Variants in BRD3 observed in about 807,000 individuals in gnomAD.
The protein encoded by BRD3 is bromodomain containing 3.
A neutral mutation model predicts 66.8 loss-of-function variants in BRD3; 17 were observed. The ratio of observed to expected loss-of-function variants is 0.25; its 90% confidence interval spans 0.17 to 0.38. The LOEUF is 0.38. Ranked by LOEUF, BRD3 falls within the 10% of genes least tolerant of loss-of-function variation. The pLI is 1.00. For missense variants in BRD3, 713 were observed against 956.1 expected (o/e 0.75, Z 3.35); for synonymous variants, 421 against 393.2 (o/e 1.07, Z -0.84).
rs1830299830 is a variant in BRD3 at position 134,051,692 on chromosome 9, C to T, written c.369G>A (p.Val123=). The T allele has an allele frequency of 1.3e-6, 2 of 1,592,088 alleles. No homozygotes were observed. The highest frequency in any genetic ancestry group is 3.6e-5 in the Admixed American group (2 of 54,864). The change falls in exon 4 of 12, where the codon GTG becomes GTA. Residue 123 remains valine (V), a synonymous_variant. Coordinates refer to ENST00000303407, the MANE Select transcript of BRD3 (RefSeq NM_007371.4). ...YIYNKPTDDI[V]LMAQALEKIF... ...TTTTCTCTAAAGCTTGGGCCATTAG[C>T]ACTATGTCATCTGTGGGCTGAAGAC...
At chr9:134,048,524 G>T in intron 5 of BRD3, 70 bp from the exon 6 acceptor site, 1 of 1,583,850 alleles carries the variant, frequency 6.3e-7, no homozygotes, top group Non-Finnish European at 8.5e-7. Flanking sequence ...CTGCAGCCGC[G>T]TTTCTGGGGC....
At chr9:134,037,623 A>T (rs1253027901) in intron 9 of BRD3, among the ~76,000 whole-genome samples, 1 of 152,220 alleles carries the variant, frequency 6.6e-6, no homozygotes, top group African/African-American at 2.4e-5. Context: ...CGGTAATCTA[A>T]TCTTCTACCT....
chr9:134,066,647 C>T (rs1160425199), intron 1 of BRD3, among the ~76,000 whole-genome samples: 1 of 152,164 alleles, frequency 6.6e-6, no homozygotes, highest in Admixed American at 6.5e-5. Flanking sequence ...CTCTTTTCCT[C>T]TTCTGTTCCT....
intron 1 of BRD3, among the ~76,000 whole-genome samples, chr9:134,060,256 G>A (rs1830508965): frequency 1.3e-5 from 2 of 152,158 alleles, no homozygotes; most frequent in Admixed American, 6.5e-5. Context: ...AAAAGTCCTC[G>A]AACGCCAAGC....
At chr9:134,035,444 T>TC (rs1200381270) in intron 10 of BRD3, among the ~76,000 whole-genome samples, 8 of 152,110 alleles carry the variant, frequency 5.3e-5, no homozygotes, top group African/African-American at 1.9e-4. Context: ...GGGTCTGCCC[T>TC]CCCTCCTACT....
rs879136019 is a variant in BRD3, at chr9:134,045,539, C to T, written c.1087-118G>A. 6.9e-7 allele frequency: 1 copy of T among 1,448,308 alleles called. No individual in the cohort carries two copies. The highest frequency in any genetic ancestry group is 1.4e-5 in the African/African-American group (1 of 71,100). The allele number at this position is 1,448,308 out of a possible 1,614,324, so 89.7% of individuals were successfully genotyped here. A position where few individuals can be genotyped will look rare whatever the true frequency, so the allele number is the denominator to read the frequency against. ...GCCACTGCCAGCTCCAGGGCAGTGCCTACTGGCCTGGCCGGCAGGACACCC... is the reference window on the plus strand; with the variant it reads ...GCCACTGCCAGCTCCAGGGCAGTGCTTACTGGCCTGGCCGGCAGGACACCC... On this transcript the variant is annotated intron_variant, in intron 6 of 11. Transcript: ENST00000303407. This position sits in a 1 kb window ranked among gnomAD's most constrained non-coding sequence, Gnocchi z 4.8.
chr9:134,037,833 C>T (rs1333817414), intron 9 of BRD3, among the ~76,000 whole-genome samples: 1 of 151,966 alleles, frequency 6.6e-6, no homozygotes, highest in Non-Finnish European at 1.5e-5. Context: ...ATGAAAAAGA[C>T]ACATCACTAC....
rs1843498545 is a variant in BRD3, at chr9:134,030,680, A to C, written c.*2910T>G. On this transcript the variant is annotated 3_prime_UTR_variant, in exon 12 of 12. Transcript: ENST00000303407. ...GTATGTGGGTGTTACTCTTTCCCAA[A>C]AGACTGTCAGAGGCGTGAGTGCTGC... The C allele has an allele frequency of 4.3e-6, 1 of 230,282 alleles. No homozygotes were observed. 14.3% of individuals were successfully genotyped at this position (230,282 alleles called of 1,614,324 possible).
rs1220722945 is a variant in BRD3, at chr9:134,030,770, A to C, written c.*2820T>G. 1 of 232,230 alleles carries C rather than the reference A, an allele frequency of 4.3e-6. No homozygotes were observed. The highest frequency in any genetic ancestry group is 8.5e-6 in the Non-Finnish European group (1 of 117,454). 14.4% of individuals were successfully genotyped at this position (232,230 alleles called of 1,614,324 possible). On this transcript the variant is annotated 3_prime_UTR_variant, in exon 12 of 12. Transcript: ENST00000303407. ...TCTTACAGTTTGTAAGCAAGATGAC[A>C]CTGCCCAACACAAAGAGGGGTCTGG...
chr9:134,064,379 A>T (rs1374063341), intron 1 of BRD3, among the ~76,000 whole-genome samples: 7 of 132,172 alleles, frequency 5.3e-5, no homozygotes, highest in African/African-American at 2.0e-4. Context: ...AAATTAAAAA[A>T]AATTAAAAAA....
chr9:134,066,209 G>C (rs1347666976), intron 1 of BRD3, among the ~76,000 whole-genome samples: 3 of 152,090 alleles, frequency 2.0e-5, no homozygotes, highest in East Asian at 1.9e-4. Flanking sequence ...CTGAGGCACC[G>C]GGCCTCTGAG....
intron 9 of BRD3, chr9:134,036,665 TAATAA>T: frequency 8.4e-7 from 1 of 1,191,940 alleles, no homozygotes. Context: ...AAAAAGAAAA[TAATAA>T]AATGAGAGAC....
rs200876226 is a variant in BRD3, at chr9:134,040,015, G to A, written c.1643+19C>T. 6.3e-5 allele frequency: 100 copies of A among 1,575,384 alleles called. No individual in the cohort carries two copies. Among genetic ancestry groups the A allele is most frequent in the South Asian group, 3.5e-4 (30 of 86,650 alleles). On this transcript the variant is annotated intron_variant, in intron 9 of 11. Transcript: ENST00000303407. ...GCTGAGCGCTGGGCTCTTGGAGCCC[G>A]AGCAGGTCTGGAGCCCACCTGCCGG...
chr9:134,041,405 G>A (rs1262664553), intron 8 of BRD3, among the ~76,000 whole-genome samples: 1 of 152,178 alleles, frequency 6.6e-6, no homozygotes, highest in Non-Finnish European at 1.5e-5. Flanking sequence ...CACTGCAAGT[G>A]ACTGCTTGGA....
In BRD3 at chr9:134,030,503, T is replaced by C. The variant is rs1843496280; in HGVS notation, c.*3087A>G. 1 of 204,422 alleles carries C rather than the reference T, an allele frequency of 4.9e-6. No individual in the cohort carries two copies. Among genetic ancestry groups the C allele is most frequent in the South Asian group, 1.9e-4 (1 of 5,272 alleles). The allele number at this position is 204,422 out of a possible 1,614,324, so 12.7% of individuals were successfully genotyped here. A position where few individuals can be genotyped will look rare whatever the true frequency, so the allele number is the denominator to read the frequency against. ...GTAACTGACATTTACAGGAATATAC[T>C]AGAAACGGCACTAAAAAGTTTAAGA... On this transcript the variant is annotated 3_prime_UTR_variant, in exon 12 of 12. Transcript: ENST00000303407.
intron 1 of BRD3, chr9:134,057,988 GAC>G (rs1262224207): frequency 6.6e-6 from 1 of 152,354 alleles, no homozygotes; most frequent in Non-Finnish European, 1.5e-5. Context: ...CTGCACACCC[GAC>G]ACAGAGGCCC....
rs1361759997 is a variant in BRD3 at position 134,048,151 on chromosome 9, C to T, written c.1018G>A (p.Ala340Thr). 2 of 1,609,588 alleles carry T rather than the reference C, an allele frequency of 1.2e-6. No homozygotes were observed. Among genetic ancestry groups the T allele is most frequent in the South Asian group, 2.2e-5 (2 of 90,584 alleles). Residue 340 changes from alanine (A) to threonine (T), a missense_variant, in exon 6 of 12, where the codon GCC becomes ACC. By Grantham distance (58) the Ala-to-Thr change is moderately conservative. This residue lies in a region of BRD3 where 418 missense variants were observed against 609.3 expected (regional missense o/e 0.69). Transcript: ENST00000303407. ...YAWPFYKPVD[A>T]EALELHDYHD... ...TAGTCGTGCAGCTCCAGGGCCTCGGCATCCACTGGCTTGTAGAAGGGCCAG... is the reference window on the plus strand; with the variant it reads ...TAGTCGTGCAGCTCCAGGGCCTCGGTATCCACTGGCTTGTAGAAGGGCCAG...
intron 8 of BRD3, among the ~76,000 whole-genome samples, chr9:134,040,885 G>A (rs770244875): frequency 5.3e-5 from 8 of 152,208 alleles, no homozygotes; most frequent in Non-Finnish European, 8.8e-5. Context: ...TGTGCCAAGC[G>A]CCTCGCCCTC....
intron 1 of BRD3, among the ~76,000 whole-genome samples, chr9:134,067,415 G>A (rs1341508952): frequency 6.6e-6 from 1 of 150,382 alleles, no homozygotes; most frequent in African/African-American, 2.4e-5. Context: ...AACGGCTCGG[G>A]AGCGAGGCCG....
Sources: gnomAD v4.1 joint callset for allele counts (sites outside exome capture counted in the v4.1 genomes callset) on GRCh38, gnomAD v4.1.1 for gene constraint, gnomAD v4.1.1 regional missense constraint, Gnocchi (gnomAD v3.1) non-coding constraint, MANE v1.5 for transcripts, NCBI Gene and HGNC (gene_info 2026-07-23, HGNC 2026-07-21) for gene names.